VCPIP1: variants seen among roughly 807,000 people sequenced by gnomAD.
VCPIP1 encodes the protein deubiquitinating protein VCPIP1.
In VCPIP1, 8 loss-of-function variants were observed where a neutral mutation model predicts 85.0. The observed-to-expected ratio is 0.09, with a 90% CI of 0.06 to 0.17. The LOEUF (loss-of-function observed/expected upper bound fraction) is 0.17, where lower values mean the gene tolerates loss of function less well. Ranked by LOEUF, VCPIP1 falls within the 10% of genes least tolerant of loss-of-function variation. VCPIP1 has a pLI of 1.00. For missense variants in VCPIP1, 1,070 were observed against 1,486.3 expected (o/e 0.72, Z 4.61); for synonymous variants, 543 against 544.5 (o/e 1.00, Z 0.04).
chr8:66,634,694 T>G lies in VCPIP1; in HGVS notation c.3476A>C (p.Glu1159Ala). Residue 1159 changes from glutamate to alanine, a missense_variant, in exon 3 of 3, where the codon GAA becomes GCA. Glu to Ala is a moderately radical substitution (Grantham distance 107). This residue lies in a region of VCPIP1 where 255 missense variants were observed against 289.5 expected (regional missense o/e 0.88). Coordinates refer to ENST00000310421, the MANE Select transcript of VCPIP1 (RefSeq NM_025054.5). ...AGTACCACCAGTTAAAGGAAAAGAT[T>G]CAGGCAAACCAGTCTGAAGACTCCC... ...KSGSLQTGLP[E>A]SFPLTGGTEN... is the part of the protein sequence containing the mutation. The G allele has an allele frequency of 6.2e-7, 1 of 1,614,176 alleles. No individual in the cohort carries two copies. The highest frequency in any genetic ancestry group is 8.5e-7 in the Non-Finnish European group (1 of 1,180,026).
chr8:66,635,221 T>C lies in VCPIP1; in HGVS notation c.2949A>G (p.Val983=). 1 of 1,614,192 alleles carries C rather than the reference T, an allele frequency of 6.2e-7. No individual in the cohort carries two copies. Among genetic ancestry groups the C allele is most frequent in the Non-Finnish European group, 8.5e-7 (1 of 1,180,034 alleles). The change falls in exon 3 of 3, where the codon GTA becomes GTG. Residue 983 remains valine (V), a synonymous_variant. Coordinates refer to ENST00000310421, the MANE Select transcript of VCPIP1 (RefSeq NM_025054.5). Reference sequence around the variant, plus strand: ...TAGTAGCCTCTGCTCGAACCTGACTTACAGCCTCTTTAACTAAATCTTCAA... The same window carrying C: ...TAGTAGCCTCTGCTCGAACCTGACTCACAGCCTCTTTAACTAAATCTTCAA... ...PDVEDLVKEA[V]SQVRAEATTR... is the part of the protein sequence containing the mutation.
At chr8:66,656,690 G>A (rs920683295) in intron 1 of VCPIP1, among the ~76,000 whole-genome samples, 1 of 151,756 alleles carries the variant, frequency 6.6e-6, no homozygotes, top group Non-Finnish European at 1.5e-5. Flanking sequence ...GCTCACTGCA[G>A]CCTCTATCTT....
At position 66,632,203 on chromosome 8, in the gene VCPIP1, A is replaced by G. The variant is rs1276221532; in HGVS notation, c.*2298T>C. The G allele has an allele frequency of 6.6e-6, 1 of 152,132 alleles. No homozygotes were observed. Among genetic ancestry groups the G allele is most frequent in the Non-Finnish European group, 1.5e-5 (1 of 67,958 alleles). 9.4% of individuals were successfully genotyped at this position (152,132 alleles called of 1,614,324 possible). The stretch of plus-strand genomic sequence containing the variant: ...GGTTATGAAAACCATATGGAAAGAC[A>G]AAGGATGATATTTAAAAACTTAAAA... On this transcript the variant is annotated 3_prime_UTR_variant, in exon 3 of 3. Transcript: ENST00000310421.
At chr8:66,644,671 T>C (rs909056394) in intron 2 of VCPIP1, among the ~76,000 whole-genome samples, 1 of 152,110 alleles carries the variant, frequency 6.6e-6, no homozygotes, top group African/African-American at 2.4e-5. Context: ...CCATTGCTAA[T>C]AAAATTGTCT....
At chr8:66,635,505 T>C in intron 2 of VCPIP1, 133 bp from the exon 3 acceptor site, 1 of 957,502 alleles carries the variant, frequency 1.0e-6, no homozygotes, top group Non-Finnish European at 1.5e-6. Flanking sequence ...ACAAAATTCA[T>C]TCAGATTTAT....
Position 66,665,221 on chromosome 8 carries a change from A to G in VCPIP1, c.1738T>C (p.Trp580Arg). ...AGATTGTCATACTCCTTACCATCCC[A>G]AAAGTGTTTGAATCCACAACCACAT... Reference protein sequence around the residue: ...GKCGCGFKHFWDGKEYDNLPE... With the variant: ...GKCGCGFKHFRDGKEYDNLPE... The change falls in exon 1 of 3, where the codon TGG (tryptophan) becomes CGG (arginine). Residue 580 changes from tryptophan to arginine, a missense_variant. Transcript: ENST00000310421. This position sits in a 1 kb window ranked among gnomAD's most constrained non-coding sequence, Gnocchi z 4.3. 2 of 1,614,074 alleles carry G rather than the reference A, an allele frequency of 1.2e-6. No homozygotes were observed.
Position 66,667,087 on chromosome 8 carries a change from T to C in VCPIP1, c.-129A>G. On this transcript the variant is annotated 5_prime_UTR_variant, in exon 1 of 3. Coordinates refer to ENST00000310421, the MANE Select transcript of VCPIP1 (RefSeq NM_025054.5). ...AGCACTTTCCTTTCCCTACCAGCTC[T>C]TCCTCCTCCTAAGCGAAGGCGGAAG... 1 of 1,385,544 alleles carries C rather than the reference T, an allele frequency of 7.2e-7. No individual in the cohort carries two copies. The highest frequency in any genetic ancestry group is 9.4e-7 in the Non-Finnish European group (1 of 1,068,342). The allele number at this position is 1,385,544 out of a possible 1,614,324, so 85.8% of individuals were successfully genotyped here.
Position 66,664,306 on chromosome 8 carries a change from G to T in VCPIP1, c.2653C>A (p.Leu885Ile). 1 of 1,605,258 alleles carries T rather than the reference G, an allele frequency of 6.2e-7. No individual in the cohort carries two copies. The highest frequency in any genetic ancestry group is 8.5e-7 in the Non-Finnish European group (1 of 1,174,040). ...ATTTCTTTTTCAGCTTGCTCCTGAA[G>T]TTCCTTAGATGACAGTTTACCAGTA... ...AVTGKLSSKE[L>I]QEQAEKEMYS... The change falls in exon 1 of 3, where the codon CTT (leucine) becomes ATT (isoleucine). Residue 885 changes from leucine (L) to isoleucine (I), a missense_variant. By Grantham distance (5) the Leu-to-Ile change is conservative. Around this residue, in one of 8 missense-constraint regions of VCPIP1, gnomAD observed 278 missense variants for 298.5 expected, o/e 0.93. Coordinates refer to ENST00000310421, the MANE Select transcript of VCPIP1 (RefSeq NM_025054.5).
chr8:66,634,997 G>T lies in VCPIP1; in HGVS notation c.3173C>A (p.Thr1058Lys). Residue 1058 changes from threonine to lysine, a missense_variant, in exon 3 of 3, where the codon ACA becomes AAA. By Grantham distance (78) the Thr-to-Lys change is moderately conservative. Around this residue, in one of 8 missense-constraint regions of VCPIP1, gnomAD observed 255 missense variants for 289.5 expected, o/e 0.88. Transcript: ENST00000310421. ...TTTAGTGGAACTATTACTAAAGTCT[G>T]TCCCTGTATTATGCTTTCTTACAAC... ...TSVVRKHNTG[T>K]DFSNSSTKTE... 6.2e-7 allele frequency: 1 copy of T among 1,613,678 alleles called. No individual in the cohort carries two copies. Among genetic ancestry groups the T allele is most frequent in the Non-Finnish European group, 8.5e-7 (1 of 1,179,658 alleles).
At chr8:66,645,941 A>G (rs1432998625) in intron 2 of VCPIP1, among the ~76,000 whole-genome samples, 2 of 150,434 alleles carry the variant, frequency 1.3e-5, no homozygotes, top group Admixed American at 6.6e-5. Context: ...ATAAAACCAA[A>G]AACAAGAAAT....
chr8:66,648,152 T>TA (rs1586625418), intron 2 of VCPIP1, among the ~76,000 whole-genome samples: 1 of 152,084 alleles, frequency 6.6e-6, no homozygotes, highest in East Asian at 1.9e-4. Context: ...TACTCAGCAA[T>TA]AAAAAGGAAT....
In VCPIP1 at chr8:66,664,256, T is replaced by C. The variant is rs767473191; in HGVS notation, c.2703A>G (p.Thr901=). 6 of 1,566,040 alleles carry C rather than the reference T, an allele frequency of 3.8e-6. No homozygotes were observed. The highest frequency in any genetic ancestry group is 5.2e-6 in the Non-Finnish European group (6 of 1,153,116). The change falls in exon 1 of 3, where the codon ACA becomes ACG. Residue 901 remains threonine, a synonymous_variant. Transcript: ENST00000310421. ...GAATTAAATTCATCTTACCCATTAA[T>C]GTTGCTAAAAGACACAAGGAGTACA... ...KEMYSLCLLA[T]LMGEDVWSYA...
Position 66,665,280 on chromosome 8 carries a change from C to G in VCPIP1, c.1679G>C (p.Gly560Ala). ...AGTGGACCTAGAATTAGTTCTGTCTCCATCCAAATACACAATAGACCCATC... is the reference window on the plus strand; with the variant it reads ...AGTGGACCTAGAATTAGTTCTGTCTGCATCCAAATACACAATAGACCCATC... ...RGDGSIVYLD[G>A]DRTNSRSTGG... The change falls in exon 1 of 3, where the codon GGA (glycine) becomes GCA (alanine). Residue 560 changes from glycine to alanine, a missense_variant. Physicochemically the swap from Gly to Ala is moderately conservative, Grantham distance 60. This residue lies in a region of VCPIP1 where 123 missense variants were observed against 156.3 expected (regional missense o/e 0.79). Transcript: ENST00000310421. This position sits in a 1 kb window ranked among gnomAD's most constrained non-coding sequence, Gnocchi z 4.3. The G allele has an allele frequency of 6.2e-7, 1 of 1,614,176 alleles. No homozygotes were observed. Among genetic ancestry groups the G allele is most frequent in the Non-Finnish European group, 8.5e-7 (1 of 1,180,036 alleles).
At chr8:66,642,332 A>G (rs1009881510) in intron 2 of VCPIP1, among the ~76,000 whole-genome samples, 2 of 152,194 alleles carry the variant, frequency 1.3e-5, no homozygotes, top group African/African-American at 4.8e-5. Context: ...TTCTAGATAC[A>G]AATCCATTCT....
chr8:66,635,480 A>G (rs1810875450), intron 2 of VCPIP1, 108 bp from the exon 3 acceptor site: 1 of 1,174,362 alleles, frequency 8.5e-7, no homozygotes, highest in Non-Finnish European at 1.1e-6. Context: ...CAATTTACAG[A>G]TAACAGCTTT....
At chr8:66,652,094 C>CT (rs1219188099) in intron 1 of VCPIP1, among the ~76,000 whole-genome samples, 1 of 151,520 alleles carries the variant, frequency 6.6e-6, no homozygotes, top group Non-Finnish European at 1.5e-5. Flanking sequence ...AGTGGAGTGG[C>CT]TGGGGGGAAC....
chr8:66,639,835 T>TA (rs1398343601), intron 2 of VCPIP1, among the ~76,000 whole-genome samples: 1 of 152,062 alleles, frequency 6.6e-6, no homozygotes, highest in Non-Finnish European at 1.5e-5. Flanking sequence ...AGGGGCTTGA[T>TA]ACGTTTTGAT....
chr8:66,646,031 T>C (rs1014187906), intron 2 of VCPIP1, among the ~76,000 whole-genome samples: 27 of 151,932 alleles, frequency 1.8e-4, no homozygotes, highest in African/African-American at 5.5e-4. Flanking sequence ...GCTCCTCAAC[T>C]TACAACGGGT....
Position 66,628,504 on chromosome 8 carries a change from C to T in VCPIP1, c.*5997G>A, listed in dbSNP as rs908346332. The T allele has an allele frequency of 2.0e-5, 3 of 152,172 alleles. No individual in the cohort carries two copies. Among genetic ancestry groups the T allele is most frequent in the African/African-American group, 7.2e-5 (3 of 41,436 alleles). The allele number at this position is 152,172 out of a possible 1,614,324, so 9.4% of individuals were successfully genotyped here. On this transcript the variant is annotated 3_prime_UTR_variant, in exon 3 of 3. Transcript: ENST00000310421. ...AGACTTACTTCAGTTTTTCTATATA[C>T]ATTTTTAATGATTAGAAACAATTGA...
Sources: gnomAD v4.1 joint callset for allele counts (sites outside exome capture counted in the v4.1 genomes callset) on GRCh38, gnomAD v4.1.1 for gene constraint, gnomAD v4.1.1 regional missense constraint, Gnocchi (gnomAD v3.1) non-coding constraint, MANE v1.5 for transcripts, NCBI Gene and HGNC (gene_info 2026-07-23, HGNC 2026-07-21) for gene names.